Variants in C9orf72 observed in about 807,000 individuals in gnomAD.
C9orf72 encodes the protein guanine nucleotide exchange factor C9orf72.
Under a neutral mutation model 51.6 loss-of-function variants are expected in C9orf72, and 44 were observed. The ratio of observed to expected loss-of-function variants is 0.85; its 90% CI spans 0.67 to 1.10. The LOEUF (loss-of-function observed/expected upper bound fraction) is 1.10. Among genes scored for constraint, C9orf72 ranks in the 50% least tolerant of loss-of-function variants. The pLI is 0.00. For synonymous variants in C9orf72, 213 were observed against 194.2 expected (o/e 1.10, Z -0.81); for missense variants, 607 against 570.6 (o/e 1.06, Z -0.65).
Position 27,548,605 on chromosome 9 carries a change from A to G in C9orf72, c.1211T>C (p.Val404Ala). 1.2e-6 allele frequency: 2 copies of G among 1,612,790 alleles called. No homozygotes were observed. The highest frequency in any genetic ancestry group is 1.7e-6 in the Non-Finnish European group (2 of 1,178,880). ...TAGTGTCAAGGCTTTTCTGTGAAGG[A>G]CAAGTAGAAACTGTGCAAGGAAAGT... Reference protein sequence around the residue: ...RSTFLAQFLLVLHRKALTLIK... With the variant: ...RSTFLAQFLLALHRKALTLIK... Residue 404 changes from valine (V) to alanine (A), a missense_variant, in exon 10 of 11, where the codon GTC becomes GCC. By Grantham distance (64) the Val-to-Ala change is moderately conservative. Coordinates refer to ENST00000380003, the MANE Select transcript of C9orf72 (RefSeq NM_018325.5).
At chr9:27,563,965 C>G (rs913466387) in intron 3 of C9orf72, among the ~76,000 whole-genome samples, 2 of 152,002 alleles carry the variant, frequency 1.3e-5, no homozygotes, top group South Asian at 2.1e-4. Context: ...CATCCCCAAA[C>G]AGTATTGTTC....
chr9:27,548,701 G>T (rs1226863933), intron 9 of C9orf72, 35 bp from the exon 10 acceptor site: 1 of 1,226,432 alleles, frequency 8.2e-7, no homozygotes, highest in Non-Finnish European at 1.2e-6. Context: ...CACATAATTT[G>T]CTCACATTCT....
intron 8 of C9orf72, among the ~76,000 whole-genome samples, chr9:27,554,213 T>C (rs1292490485): frequency 6.6e-6 from 1 of 152,218 alleles, no homozygotes; most frequent in Non-Finnish European, 1.5e-5. Flanking sequence ...GACACATGCA[T>C]GTGTATGTTC....
chr9:27,568,341 TTATTTAGA>T (rs771894018), intron 1 of C9orf72, among the ~76,000 whole-genome samples: 3 of 152,192 alleles, frequency 2.0e-5, no homozygotes, highest in Non-Finnish European at 4.4e-5. Context: ...AAAGCTTTAG[TTATTTAGA>T]ACACGTAGAA....
chr9:27,552,174 C>T (rs935905210), intron 8 of C9orf72, among the ~76,000 whole-genome samples: 4 of 152,158 alleles, frequency 2.6e-5, no homozygotes, highest in African/African-American at 7.2e-5. Flanking sequence ...CTAGGACTTC[C>T]AGAACTATGC....
At chr9:27,558,044 A>G (rs938520468) in intron 7 of C9orf72, among the ~76,000 whole-genome samples, 3 of 149,994 alleles carry the variant, frequency 2.0e-5, no homozygotes, top group African/African-American at 7.3e-5. Flanking sequence ...AAAGAAAAAT[A>G]CAATTTTTTT....
intron 5 of C9orf72, chr9:27,560,705 G>T: frequency 3.0e-6 from 3 of 987,146 alleles, no homozygotes; most frequent in Non-Finnish European, 3.6e-6. Flanking sequence ...AGCCATTAAG[G>T]CTCTTAGGTT....
Position 27,548,437 on chromosome 9 carries a change from A to C in C9orf72, c.1260-15T>G. On this transcript the variant is annotated splice_polypyrimidine_tract_variant and intron_variant, in intron 10 of 10. Transcript: ENST00000380003. ...TTCCCTTCTGCCTAAAAATAATGGA[A>C]AAAAAAAAAAAAAAAAAAAAAAAAG... is the stretch of plus-strand genomic sequence containing the variant. 4 of 349,214 alleles carry C rather than the reference A, an allele frequency of 1.1e-5. No individual in the cohort carries two copies. The highest frequency in any genetic ancestry group is 1.1e-5 in the Non-Finnish European group (3 of 270,892). The allele number at this position is 349,214 out of a possible 1,614,324, so 21.6% of individuals were successfully genotyped here.
At chr9:27,567,454 T>G (rs763369092) in intron 1 of C9orf72, among the ~76,000 whole-genome samples, 1 of 152,188 alleles carries the variant, frequency 6.6e-6, no homozygotes, top group Non-Finnish European at 1.5e-5. Flanking sequence ...ATATTAAATG[T>G]TACATACTAA....
intron 1 of C9orf72, 76 bp from the exon 2 acceptor site, chr9:27,567,240 A>T (rs1480749011): frequency 1.1e-6 from 1 of 874,754 alleles, no homozygotes. Flanking sequence ...AATGATTTAG[A>T]CATATTTGGT....
chr9:27,564,156 C>CAAAAAAAAAAAAAAAAAAA (rs11438223), intron 3 of C9orf72, among the ~76,000 whole-genome samples: 1 of 86,714 alleles, frequency 1.2e-5, no homozygotes, highest in Non-Finnish European at 2.2e-5. Flanking sequence ...TCAACAACAC[C>CAAAAAAAAAAAAAAAAAAA]AAAAAAAAAA....
At chr9:27,556,935 C>T (rs779345143) in intron 7 of C9orf72, 139 bp from the exon 8 acceptor site, 1 of 632,346 alleles carries the variant, frequency 1.6e-6, no homozygotes, top group Non-Finnish European at 2.8e-6. Flanking sequence ...TGAGTGTGTG[C>T]AAAGTTTTAG....
intron 8 of C9orf72, among the ~76,000 whole-genome samples, chr9:27,552,155 T>C (rs1394274499): frequency 2.6e-5 from 4 of 152,202 alleles, no homozygotes; most frequent in East Asian, 1.9e-4. Flanking sequence ...TCTTTCCTGA[T>C]TGCTCTGGCT....
chr9:27,559,872 A>T (rs1443792178), intron 6 of C9orf72: 1 of 155,462 alleles, frequency 6.4e-6, no homozygotes, highest in African/African-American at 2.4e-5. Context: ...AACAAATAAC[A>T]TTTCTTTGGA....
At chr9:27,570,858 G>C (rs1819571629) in intron 1 of C9orf72, among the ~76,000 whole-genome samples, 1 of 151,658 alleles carries the variant, frequency 6.6e-6, no homozygotes, top group Non-Finnish European at 1.5e-5. Context: ...GACAGAGAGA[G>C]ACTCTGCCTC....
chr9:27,553,239 A>C (rs1292958631), intron 8 of C9orf72, among the ~76,000 whole-genome samples: 2 of 152,208 alleles, frequency 1.3e-5, no homozygotes, highest in African/African-American at 4.8e-5. Flanking sequence ...ATATGGACCC[A>C]AAAAGGAGCC....
At chr9:27,556,385 T>G in intron 8 of C9orf72, 176 bp downstream of exon 8, 1 of 592,212 alleles carries the variant, frequency 1.7e-6, no homozygotes, top group African/African-American at 1.9e-5. Context: ...TAAACACAAT[T>G]GTATGGAAAA....
At chr9:27,552,727 T>C (rs1011359738) in intron 8 of C9orf72, among the ~76,000 whole-genome samples, 25 of 152,052 alleles carry the variant, frequency 1.6e-4, no homozygotes, top group African/African-American at 6.0e-4. Flanking sequence ...GAGATAATCT[T>C]GTGGTTTTTG....
At chr9:27,558,407 T>C (rs961876718) in intron 7 of C9orf72, 84 bp downstream of exon 7, 5 of 772,296 alleles carry the variant, frequency 6.5e-6, no homozygotes, top group Non-Finnish European at 1.1e-5. Context: ...ATACATTAAA[T>C]GCTAATATTT....
Sources: gnomAD v4.1 joint callset for allele counts (sites outside exome capture counted in the v4.1 genomes callset) on GRCh38, gnomAD v4.1.1 for gene constraint, MANE v1.5 for transcripts, NCBI Gene and HGNC (gene_info 2026-07-23, HGNC 2026-07-21) for gene names.